Variants in SLC26A7 observed in about 807,000 individuals in gnomAD.
SLC26A7 encodes solute carrier family 26 member 7, also known as anion exchange transporter.
A neutral mutation model predicts 82.5 loss-of-function variants in SLC26A7; 59 were observed. The ratio of observed to expected loss-of-function variants is 0.72; its 90% CI spans 0.58 to 0.89. The LOEUF is 0.89. Ranked by LOEUF, SLC26A7 falls within the 40% of genes least tolerant of loss-of-function variation. The probability of loss-of-function intolerance (pLI) is 0.00; values close to 1 mark genes in which losing one functional copy is unlikely to be tolerated. For synonymous variants in SLC26A7, 271 were observed against 274.3 expected, an observed-to-expected ratio of 0.99 and a Z score of 0.12; for missense variants, 820 against 793.0, an observed-to-expected ratio of 1.03 and a Z score of -0.41.
intron 2 of SLC26A7, among the ~76,000 whole-genome samples, chr8:91,252,240 A>G (rs1486676179): frequency 6.6e-6 from 1 of 152,054 alleles, no homozygotes; most frequent in East Asian, 1.9e-4. Context: ...TAGAATGTTT[A>G]TGTTTCAATC....
chr8:91,222,134 A>G (rs530751302), intron 2 of SLC26A7, among the ~76,000 whole-genome samples: 6 of 152,246 alleles, frequency 3.9e-5, no homozygotes, highest in South Asian at 2.1e-4. Context: ...CTTTGTAGCA[A>G]TTGTGAATGG....
At chr8:91,321,373 G>A (rs963401026) in intron 5 of SLC26A7, among the ~76,000 whole-genome samples, 3 of 152,208 alleles carry the variant, frequency 2.0e-5, no homozygotes, top group African/African-American at 7.2e-5. Context: ...CTTCTGGCAT[G>A]AGGAAAACAC....
chr8:91,342,551 G>A (rs1813450219), intron 8 of SLC26A7, among the ~76,000 whole-genome samples: 1 of 152,162 alleles, frequency 6.6e-6, no homozygotes, highest in Admixed American at 6.5e-5. Flanking sequence ...GGAAAAGAAG[G>A]AGCAGAAAAA....
At chr8:91,390,876 C>T (rs1375519766) in intron 16 of SLC26A7, among the ~76,000 whole-genome samples, 1 of 152,150 alleles carries the variant, frequency 6.6e-6, no homozygotes, top group Non-Finnish European at 1.5e-5. Flanking sequence ...ACTCAGCCAC[C>T]CTGTGCTGCC....
At chr8:91,345,853 C>G (rs1252871376) in intron 9 of SLC26A7, among the ~76,000 whole-genome samples, 3 of 152,084 alleles carry the variant, frequency 2.0e-5, no homozygotes, top group Admixed American at 6.6e-5. Flanking sequence ...ATCTTTGTAA[C>G]CTTTAATATC....
At chr8:91,255,411 C>T (rs1157139899) in intron 2 of SLC26A7, among the ~76,000 whole-genome samples, 1 of 152,136 alleles carries the variant, frequency 6.6e-6, no homozygotes, top group Non-Finnish European at 1.5e-5. Context: ...TACTGCATTG[C>T]ACAGATTAAA....
In SLC26A7 at chr8:91,332,491, TACACAC is replaced by T. The variant is rs34306717; in HGVS notation, c.643-1766_643-1761del. Among the ~76,000 whole-genome samples the T allele has an allele frequency of 6.3e-3, 793 of 125,198 alleles. 4 individuals are homozygous for T. Among genetic ancestry groups the T allele is most frequent in the African/African-American group, 0.014 (476 of 33,466 alleles). The allele number at this position is 125,198 out of a possible 152,430, so 82.1% of individuals were successfully genotyped here. A position where few individuals can be genotyped will look rare whatever the true frequency, so the allele number is the denominator to read the frequency against. On this transcript the variant is annotated intron_variant, in intron 5 of 18. Transcript: ENST00000276609. Reference sequence around the variant, plus strand: ...ATATATATTCTGTATATATATTTAATACACACACACACACACACACACACACACACA... The same window carrying T: ...ATATATATTCTGTATATATATTTAATACACACACACACACACACACACACA...
At chr8:91,244,681 T>TATC (rs529716321), upstream of SLC26A7, among the ~76,000 whole-genome samples, 4 of 151,286 alleles carry the variant, frequency 2.6e-5, no homozygotes, top group African/African-American at 9.7e-5. Context: ...ATTTTTCAAT[T>TATC]ATTATTATTA....
intron 4 of SLC26A7, among the ~76,000 whole-genome samples, chr8:91,313,896 C>T (rs921204784): frequency 1.3e-5 from 2 of 152,124 alleles, no homozygotes; most frequent in Non-Finnish European, 2.9e-5. Flanking sequence ...TAATTGTTTC[C>T]TATGTACTCT....
intron 2 of SLC26A7, among the ~76,000 whole-genome samples, chr8:91,288,900 A>T (rs554594037): frequency 6.6e-6 from 1 of 152,208 alleles, no homozygotes; most frequent in South Asian, 2.1e-4. Flanking sequence ...TTTTGTAGAC[A>T]TCTCTGCAAT....
Position 91,366,588 on chromosome 8 carries a change from G to A in SLC26A7, c.1497G>A (p.Leu499=), listed in dbSNP as rs1814198420. 6.2e-7 allele frequency: 1 copy of A among 1,612,610 alleles called. No homozygotes were observed. Among genetic ancestry groups the A allele is most frequent in the East Asian group, 2.2e-5 (1 of 44,766 alleles). Residue 499 remains leucine, a synonymous_variant, in exon 14 of 19, where the codon CTG becomes CTA. Coordinates refer to ENST00000276609, the MANE Select transcript of SLC26A7 (RefSeq NM_052832.4). ...KVKTEMDSET[L]QQVKIISINN... is the part of the protein sequence containing the mutation. ...TTTTTCTCCTCCAAAAGGAAACCCT[G>A]CAGCAGGTGAAAATTATCTCAATAA...
intron 2 of SLC26A7, among the ~76,000 whole-genome samples, chr8:91,231,829 C>A (rs10111757): frequency 0.03 from 4,631 of 151,924 alleles, 78 homozygotes; most frequent in Middle Eastern, 0.048. Context: ...TGTCTTTTTT[C>A]CCTGTTTTGT....
At chr8:91,331,323 A>G (rs922917705) in intron 5 of SLC26A7, among the ~76,000 whole-genome samples, 3 of 152,152 alleles carry the variant, frequency 2.0e-5, no homozygotes, top group African/African-American at 7.2e-5. Flanking sequence ...ATGTCAATAA[A>G]TGTACATTTT....
rs573255818 is a variant in SLC26A7 at position 91,360,869 on chromosome 8, C to T, written c.1315-1484C>T. On this transcript the variant is annotated intron_variant, in intron 11 of 18. Transcript: ENST00000276609. ...CATCATGGGAAGCTAAAATAATAGTCAAAAACTTGCAGCCTTGTTTTGTAT... is the reference window on the plus strand; with the variant it reads ...CATCATGGGAAGCTAAAATAATAGTTAAAAACTTGCAGCCTTGTTTTGTAT... 5.3e-5 allele frequency among the ~76,000 whole-genome samples: 8 copies of T among 152,132 alleles called. 1 individual carries two copies. In the South Asian group the frequency reaches 1.7e-3, roughly 32 times the overall value.
At chr8:91,225,078 C>T (rs1402784707) in intron 2 of SLC26A7, among the ~76,000 whole-genome samples, 3 of 152,234 alleles carry the variant, frequency 2.0e-5, no homozygotes, top group Admixed American at 6.5e-5. Flanking sequence ...AAATGGGTGC[C>T]GCCTTTCCCT....
chr8:91,257,638 C>T (rs975666425), intron 2 of SLC26A7, among the ~76,000 whole-genome samples: 3 of 151,970 alleles, frequency 2.0e-5, no homozygotes, highest in Admixed American at 6.6e-5. Context: ...AAAAAAAACA[C>T]ATTTTTTCCC....
chr8:91,382,957 A>T (rs979221562), intron 15 of SLC26A7, among the ~76,000 whole-genome samples: 2 of 152,168 alleles, frequency 1.3e-5, no homozygotes, highest in African/African-American at 4.8e-5. Flanking sequence ...CTTGCTCTGG[A>T]TCATGCAGCT....
intron 2 of SLC26A7, among the ~76,000 whole-genome samples, chr8:91,288,788 T>C (rs1563661684): frequency 6.6e-6 from 1 of 152,296 alleles, no homozygotes; most frequent in Admixed American, 6.5e-5. Flanking sequence ...CACATAAAAT[T>C]ATACATGTGA....
chr8:91,340,662 C>A, intron 8 of SLC26A7, 111 bp downstream of exon 8: 2 of 1,285,306 alleles, frequency 1.6e-6, no homozygotes, highest in Non-Finnish European at 2.2e-6. Flanking sequence ...AACTGTACAG[C>A]AAGAGTGGGT....
Sources: allele counts gnomAD v4.1 joint callset (sites outside exome capture counted in the v4.1 genomes callset), GRCh38; gene constraint gnomAD v4.1.1; transcripts MANE v1.5; gene names NCBI Gene and HGNC (gene_info 2026-07-23, HGNC 2026-07-21).